TRIM9: variants seen among roughly 807,000 people sequenced by gnomAD.
TRIM9 encodes E3 ubiquitin-protein ligase TRIM9.
In TRIM9, 26 loss-of-function variants were observed where a neutral mutation model predicts 78.3. The observed-to-expected ratio is 0.33, with a 90% CI of 0.24 to 0.46. TRIM9 has a LOEUF of 0.46. Among genes scored for constraint, TRIM9 ranks in the 20% least tolerant of loss-of-function variants. The pLI, the probability that TRIM9 is intolerant of heterozygous loss-of-function variation, is 1.00. For synonymous variants in TRIM9, 398 were observed against 416.5 expected (o/e 0.96, Z 0.54); for missense variants, 787 against 1,036.4 (o/e 0.76, Z 3.30).
At chr14:51,038,069 C>T (rs923590891) in intron 1 of TRIM9, among the ~76,000 whole-genome samples, 1 of 151,986 alleles carries the variant, frequency 6.6e-6, no homozygotes, top group African/African-American at 2.4e-5. Context: ...TCCCCAGAAC[C>T]GGTGATTTTG....
In TRIM9 at chr14:50,982,853, G is replaced by A. The variant is rs1368901024; in HGVS notation, c.1858+89C>T. On this transcript the variant is annotated intron_variant, in intron 10 of 12. Transcript: ENST00000684578. Reference sequence around the variant, plus strand: ...CCACCTATAAATATCACACTCGAGAGATGTAATTGCTGATTTATTAAACCT... The same window carrying A: ...CCACCTATAAATATCACACTCGAGAAATGTAATTGCTGATTTATTAAACCT... 3 of 1,234,522 alleles carry A rather than the reference G, an allele frequency of 2.4e-6. No individual in the cohort carries two copies. The East Asian group carries it at 7.7e-5, about 32-fold the overall frequency. 76.5% of individuals were successfully genotyped at this position (1,234,522 alleles called of 1,614,324 possible).
At chr14:51,001,254 G>C (rs1250354962) in intron 5 of TRIM9, among the ~76,000 whole-genome samples, 2 of 145,168 alleles carry the variant, frequency 1.4e-5, no homozygotes, top group Non-Finnish European at 3.0e-5. Flanking sequence ...TTTTGAGATG[G>C]AGTGTCGCTC....
chr14:51,091,668 G>T (rs1052086603), intron 1 of TRIM9, among the ~76,000 whole-genome samples: 1 of 152,126 alleles, frequency 6.6e-6, no homozygotes, highest in Admixed American at 6.5e-5. Flanking sequence ...TCATCCTTCT[G>T]TCTTATTTTT....
chr14:51,036,587 T>C (rs2059171418), intron 1 of TRIM9, among the ~76,000 whole-genome samples: 1 of 152,220 alleles, frequency 6.6e-6, no homozygotes, highest in Non-Finnish European at 1.5e-5. Flanking sequence ...ACAATGTAAG[T>C]ACTATGTAAA....
At chr14:51,084,939 C>T (rs2063613977) in intron 1 of TRIM9, among the ~76,000 whole-genome samples, 1 of 152,196 alleles carries the variant, frequency 6.6e-6, no homozygotes, top group South Asian at 2.1e-4. Flanking sequence ...TTGCCCTCTA[C>T]AAAATCACAA....
At chr14:51,070,975 T>C (rs77262729) in intron 1 of TRIM9, among the ~76,000 whole-genome samples, 40,148 of 151,932 alleles carry the variant, frequency 0.26, 5,495 homozygotes, top group African/African-American at 0.32. Flanking sequence ...ATTCAGAGAC[T>C]GGGGACTACC....
In TRIM9 at chr14:50,982,930, GTTA is replaced by G; in HGVS notation, c.1858+9_1858+11del. On this transcript the variant is annotated intron_variant, in intron 10 of 12. Coordinates refer to ENST00000684578, the MANE Select transcript of TRIM9 (RefSeq NM_001387360.1). ...CTTTGCTATTTGGTAACAGAATAAGGTTATTCCATACCTGCCAACAGCTTTTTA... is the reference window on the plus strand; with the variant it reads ...CTTTGCTATTTGGTAACAGAATAAGGTTCCATACCTGCCAACAGCTTTTTA... 1 of 1,547,734 alleles carries G rather than the reference GTTA, an allele frequency of 6.5e-7. No homozygotes were observed. Among genetic ancestry groups the G allele is most frequent in the South Asian group, 1.2e-5 (1 of 83,964 alleles).
At chr14:51,003,722 C>T (rs1297773064) in intron 5 of TRIM9, among the ~76,000 whole-genome samples, 1 of 150,418 alleles carries the variant, frequency 6.6e-6, no homozygotes, top group Non-Finnish European at 1.5e-5. Flanking sequence ...AGCAAATGGA[C>T]AAAAAGTCAA....
At chr14:50,987,788 A>G (rs2052915028) in intron 7 of TRIM9, among the ~76,000 whole-genome samples, 2 of 151,858 alleles carry the variant, frequency 1.3e-5, no homozygotes, top group African/African-American at 4.8e-5. Flanking sequence ...TATTTTATTT[A>G]TTTATTTATT....
chr14:50,980,595 T>C (rs2051739635), intron 11 of TRIM9, among the ~76,000 whole-genome samples: 1 of 152,256 alleles, frequency 6.6e-6, no homozygotes, highest in Admixed American at 6.5e-5. Context: ...TTTCTCTGCA[T>C]AGTGTGATGG....
chr14:51,011,481 T>A (rs1375516835), intron 3 of TRIM9, among the ~76,000 whole-genome samples: 1 of 152,172 alleles, frequency 6.6e-6, no homozygotes, highest in Non-Finnish European at 1.5e-5. Context: ...CAGCTATCTT[T>A]GAATGGTTTT....
At chr14:50,998,380 T>C (rs2054503512) in intron 6 of TRIM9, among the ~76,000 whole-genome samples, 192 bp from the exon 7 acceptor site, 1 of 152,230 alleles carries the variant, frequency 6.6e-6, no homozygotes, top group Admixed American at 6.5e-5. Context: ...GGGATAATAA[T>C]ATCCACCTTA....
chr14:50,987,004 A>G (rs933380605), intron 7 of TRIM9, among the ~76,000 whole-genome samples: 1 of 152,208 alleles, frequency 6.6e-6, no homozygotes, highest in Admixed American at 6.5e-5. Context: ...GGTCCTTTCT[A>G]TTTTGTCAAA....
In TRIM9 at chr14:51,095,051, G is replaced by T; in HGVS notation, c.-112C>A. 1.3e-6 allele frequency: 1 copy of T among 751,604 alleles called. No homozygotes were observed. The highest frequency in any genetic ancestry group is 1.9e-6 in the Non-Finnish European group (1 of 529,744). 46.6% of individuals were successfully genotyped at this position (751,604 alleles called of 1,614,324 possible). On this transcript the variant is annotated 5_prime_UTR_variant, in exon 1 of 13. Transcript: ENST00000684578. Reference sequence around the variant, plus strand: ...CTGGCCAGCGGCGGCGGCTGTGGTGGTGGTGCCTTCCCGCGCAGCACTGGC... The same window carrying T: ...CTGGCCAGCGGCGGCGGCTGTGGTGTTGGTGCCTTCCCGCGCAGCACTGGC...
At chr14:51,038,105 T>A (rs1201139277) in intron 1 of TRIM9, among the ~76,000 whole-genome samples, 1 of 151,998 alleles carries the variant, frequency 6.6e-6, no homozygotes, top group Non-Finnish European at 1.5e-5. Flanking sequence ...TTATAGACCT[T>A]GAGATGGAGA....
At chr14:51,017,548 T>C (rs369443106) in intron 3 of TRIM9, among the ~76,000 whole-genome samples, 2 of 152,178 alleles carry the variant, frequency 1.3e-5, no homozygotes, top group Non-Finnish European at 2.9e-5. Flanking sequence ...ATTCAAGACA[T>C]TGGGAGAGAG....
intron 1 of TRIM9, among the ~76,000 whole-genome samples, chr14:51,070,848 T>C (rs2062159799): frequency 6.6e-6 from 1 of 152,220 alleles, no homozygotes; most frequent in Non-Finnish European, 1.5e-5. Flanking sequence ...ATCTTGCTTG[T>C]ATCATCTGGC....
At chr14:51,011,142 A>G (rs1421431354) in intron 3 of TRIM9, among the ~76,000 whole-genome samples, 3 of 152,212 alleles carry the variant, frequency 2.0e-5, no homozygotes, top group Non-Finnish European at 4.4e-5. Context: ...CACTGAAACC[A>G]CTGCCTCATT....
chr14:51,042,315 A>C (rs1410812079), intron 1 of TRIM9, among the ~76,000 whole-genome samples: 1 of 152,150 alleles, frequency 6.6e-6, no homozygotes, highest in Non-Finnish European at 1.5e-5. Context: ...TTGTCCCCTC[A>C]GCCTATCCTC....
Sources: gnomAD v4.1 joint callset for allele counts (sites outside exome capture counted in the v4.1 genomes callset) on GRCh38, gnomAD v4.1.1 for gene constraint, MANE v1.5 for transcripts, NCBI Gene and HGNC (gene_info 2026-07-23, HGNC 2026-07-21) for gene names.